The following KCNH5 variants were observed in gnomAD, a reference collection of about 807,000 sequenced individuals.
KCNH5 encodes the protein voltage-gated delayed rectifier potassium channel KCNH5.
Under a neutral mutation model 96.1 loss-of-function variants are expected in KCNH5, and 46 were observed. The ratio of observed to expected loss-of-function variants is 0.48; its 90% CI spans 0.38 to 0.61. The LOEUF is 0.61. Among genes scored for constraint, KCNH5 ranks in the 20% least tolerant of loss-of-function variants. The pLI is 0.00. For missense variants in KCNH5, 907 were observed against 1,225.8 expected (o/e 0.74, Z 3.88); for synonymous variants, 439 against 449.8 (o/e 0.98, Z 0.30).
At chr14:62,716,060 A>G (rs1884678354) in intron 10 of KCNH5, among the ~76,000 whole-genome samples, 1 of 152,224 alleles carries the variant, frequency 6.6e-6, no homozygotes, top group Non-Finnish European at 1.5e-5. Flanking sequence ...GGCTATCATA[A>G]ACATGAAAAT....
intron 10 of KCNH5, among the ~76,000 whole-genome samples, chr14:62,759,573 A>ATATATATATATATATTTTTTTTTTTTT (rs1171935428): frequency 7.9e-5 from 12 of 151,198 alleles, no homozygotes; most frequent in Non-Finnish European, 1.3e-4. Context: ...CGTAGGGTAT[A>ATATATATATATATATTTTTTTTTTTTT]TTTTTTAATA....
intron 7 of KCNH5, among the ~76,000 whole-genome samples, chr14:62,899,765 C>T (rs1020622196): frequency 2.0e-5 from 3 of 149,280 alleles, no homozygotes; most frequent in Non-Finnish European, 4.5e-5. Context: ...ACCCGGGAGG[C>T]GGAGCTTGCA....
At chr14:62,835,933 A>G (rs565005878) in intron 8 of KCNH5, among the ~76,000 whole-genome samples, 2 of 152,048 alleles carry the variant, frequency 1.3e-5, no homozygotes, top group Non-Finnish European at 2.9e-5. Flanking sequence ...CATTACAAGA[A>G]TTTTTTTAAA....
intron 10 of KCNH5, among the ~76,000 whole-genome samples, chr14:62,777,859 TTGTGTG>T (rs56291938): frequency 2.0e-5 from 3 of 147,118 alleles, no homozygotes; most frequent in South Asian, 2.2e-4. Context: ...GTATGTGTAT[TTGTGTG>T]TGTGTGTGTG....
At chr14:62,903,821 C>T (rs1267923355) in intron 7 of KCNH5, among the ~76,000 whole-genome samples, 2 of 151,998 alleles carry the variant, frequency 1.3e-5, no homozygotes, top group Non-Finnish European at 2.9e-5. Context: ...ATCAAAGTTA[C>T]ACAGAATGTA....
intron 7 of KCNH5, among the ~76,000 whole-genome samples, chr14:62,874,350 C>G (rs1030958680): frequency 6.6e-6 from 1 of 151,972 alleles, no homozygotes; most frequent in Non-Finnish European, 1.5e-5. Context: ...ATGCAGCAAA[C>G]GAACATATGT....
At chr14:62,897,532 G>GA (rs5809178) in intron 7 of KCNH5, among the ~76,000 whole-genome samples, 3 of 151,742 alleles carry the variant, frequency 2.0e-5, no homozygotes, top group Admixed American at 6.6e-5. Context: ...AATATGGGGG[G>GA]AAAAAAAACT....
At chr14:62,895,561 G>C (rs958699496) in intron 7 of KCNH5, among the ~76,000 whole-genome samples, 1 of 152,078 alleles carries the variant, frequency 6.6e-6, no homozygotes, top group Non-Finnish European at 1.5e-5. Context: ...TCAAACTCCT[G>C]ACCTCAGGTG....
chr14:62,709,316 A>C (rs922235775), intron 10 of KCNH5, among the ~76,000 whole-genome samples: 1 of 151,754 alleles, frequency 6.6e-6, no homozygotes, highest in Non-Finnish European at 1.5e-5. Flanking sequence ...TGTACTGAAA[A>C]CTTACACAGT....
In KCNH5 at chr14:62,788,282, G is replaced by A. The variant is rs116403788; in HGVS notation, c.1823-8358C>T. 5.1e-3 allele frequency among the ~76,000 whole-genome samples: 773 copies of A among 152,206 alleles called. 4 individuals carry two copies. The highest frequency in any genetic ancestry group is 0.018 in the African/African-American group (742 of 41,544). On this transcript the variant is annotated intron_variant, in intron 9 of 10. Transcript: ENST00000322893. ...AGGAAGTAACTGCAGATGTAGAAAC[G>A]GCAAGACAATTAGAATTAGAAGTGG...
chr14:63,041,037 TA>T (rs761163220), intron 1 of KCNH5, among the ~76,000 whole-genome samples: 1 of 152,020 alleles, frequency 6.6e-6, no homozygotes, highest in South Asian at 2.1e-4. Flanking sequence ...TATTAAATAA[TA>T]ATAATTTCTA....
At chr14:62,734,678 G>C (rs997174274) in intron 10 of KCNH5, among the ~76,000 whole-genome samples, 10 of 151,878 alleles carry the variant, frequency 6.6e-5, no homozygotes, top group African/African-American at 2.4e-4. Flanking sequence ...ATCTCTCAAA[G>C]AATTTAAAAT....
intron 7 of KCNH5, among the ~76,000 whole-genome samples, chr14:62,855,788 GAGAC>G (rs748716472): frequency 2.6e-5 from 4 of 152,050 alleles, no homozygotes; most frequent in Non-Finnish European, 4.4e-5. Flanking sequence ...TTATCAAAAA[GAGAC>G]AGGTCAGAAG....
chr14:62,720,630 G>A (rs1884789731), intron 10 of KCNH5, among the ~76,000 whole-genome samples: 1 of 152,122 alleles, frequency 6.6e-6, no homozygotes, highest in African/African-American at 2.4e-5. Context: ...GAGATATTAT[G>A]TTAACTTAGA....
At chr14:62,768,110 G>A (rs1046401839) in intron 10 of KCNH5, among the ~76,000 whole-genome samples, 4 of 151,942 alleles carry the variant, frequency 2.6e-5, no homozygotes, top group African/African-American at 7.3e-5. Flanking sequence ...CGATCACAAT[G>A]TATATTACTC....
At chr14:62,965,761 T>C (rs1042864767) in intron 6 of KCNH5, among the ~76,000 whole-genome samples, 2 of 152,204 alleles carry the variant, frequency 1.3e-5, no homozygotes, top group East Asian at 1.9e-4. Flanking sequence ...GTTTACCATA[T>C]GTACTGGCAG....
chr14:62,797,462 G>C (rs1185907057), intron 9 of KCNH5, among the ~76,000 whole-genome samples: 1 of 151,910 alleles, frequency 6.6e-6, no homozygotes, highest in Non-Finnish European at 1.5e-5. Flanking sequence ...CAGAAGTATG[G>C]GTGCAAAAGA....
At chr14:62,982,513 G>A (rs866290824) in intron 5 of KCNH5, among the ~76,000 whole-genome samples, 2 of 152,294 alleles carry the variant, frequency 1.3e-5, no homozygotes, top group East Asian at 1.9e-4. Context: ...CAGAAGGTAG[G>A]AGTCAAAAAG....
chr14:62,867,927 C>G (rs989071025), intron 7 of KCNH5, among the ~76,000 whole-genome samples: 2 of 152,202 alleles, frequency 1.3e-5, no homozygotes, highest in African/African-American at 4.8e-5. Context: ...TGCACATAAC[C>G]TGCTTTATTG....
Sources: gnomAD v4.1 joint callset for allele counts (sites outside exome capture counted in the v4.1 genomes callset) on GRCh38, gnomAD v4.1.1 for gene constraint, MANE v1.5 for transcripts, NCBI Gene and HGNC (gene_info 2026-07-23, HGNC 2026-07-21) for gene names.